DLGAP2: variants seen among roughly 807,000 people sequenced by gnomAD.
DLGAP2 encodes disks large-associated protein 2.
A neutral mutation model predicts 100.3 loss-of-function variants in DLGAP2; 26 were observed. That is an observed-to-expected ratio of 0.26 (90% CI 0.19 to 0.36). The LOEUF (loss-of-function observed/expected upper bound fraction) is 0.36, where lower values mean the gene tolerates loss of function less well. Among genes scored for constraint, DLGAP2 ranks in the 10% least tolerant of loss-of-function variants. DLGAP2 has a pLI of 1.00. For missense variants in DLGAP2, 1,858 were observed against 1,453.2 expected (o/e 1.28, Z -4.53); for synonymous variants, 886 against 630.1 (o/e 1.41, Z -6.08).
At chr8:1,308,508 A>G (rs1342183743) in intron 3 of DLGAP2, among the ~76,000 whole-genome samples, 2 of 152,210 alleles carry the variant, frequency 1.3e-5, no homozygotes, top group Non-Finnish European at 2.9e-5. Context: ...CATTCAGGAC[A>G]ACAAAAGAAA....
At chr8:1,408,161 C>G (rs1429917951) in intron 3 of DLGAP2, among the ~76,000 whole-genome samples, 1 of 152,248 alleles carries the variant, frequency 6.6e-6, no homozygotes, top group Non-Finnish European at 1.5e-5. Flanking sequence ...TTTCCAGCAT[C>G]TCCAGCTAGC....
intron 1 of DLGAP2, among the ~76,000 whole-genome samples, chr8:865,003 C>G (rs1797467679): frequency 6.6e-6 from 1 of 152,150 alleles, no homozygotes; most frequent in Non-Finnish European, 1.5e-5. Flanking sequence ...TGTTGAACAT[C>G]TGAATCTTTT....
intron 2 of DLGAP2, among the ~76,000 whole-genome samples, chr8:1,167,782 C>G (rs1179567532): frequency 1.3e-5 from 2 of 152,154 alleles, no homozygotes; most frequent in Non-Finnish European, 1.5e-5. Flanking sequence ...GTGTCTGACA[C>G]TGAGGTACAA....
chr8:1,353,243 A>G (rs1227116625), intron 3 of DLGAP2, among the ~76,000 whole-genome samples: 1 of 152,192 alleles, frequency 6.6e-6, no homozygotes. Context: ...CTGTGTGTGC[A>G]CAGGAGGCTT....
In DLGAP2 at chr8:1,202,599, G is replaced by A. The variant is rs180926740; in HGVS notation, c.74-56252G>A. ...TGGGAGGTGTGGAGACACCACAGAG[G>A]CCGTAACACGGGACAGTCACAGGCA... On this transcript the variant is annotated intron_variant, in intron 2 of 14. Transcript: ENST00000637795. 2.3e-4 allele frequency among the ~76,000 whole-genome samples: 35 copies of A among 152,260 alleles called. No individual in the cohort carries two copies. In the East Asian group the frequency reaches 2.3e-3, roughly 10 times the overall value.
chr8:785,109 A>C (rs889495361), intron 1 of DLGAP2, among the ~76,000 whole-genome samples: 2 of 150,200 alleles, frequency 1.3e-5, no homozygotes, highest in East Asian at 4.0e-4. Context: ...CCCAGCTACT[A>C]GGGAGGCTGA....
At chr8:1,234,785 C>A (rs1269517736) in intron 2 of DLGAP2, among the ~76,000 whole-genome samples, 3 of 152,210 alleles carry the variant, frequency 2.0e-5, no homozygotes, top group Admixed American at 6.5e-5. Flanking sequence ...CCTTGCGCAA[C>A]TGGGGCCTTT....
chr8:1,213,013 A>C (rs1409077169), intron 2 of DLGAP2, among the ~76,000 whole-genome samples: 1 of 152,048 alleles, frequency 6.6e-6, no homozygotes, highest in East Asian at 1.9e-4. Flanking sequence ...TTTTCTTGTT[A>C]AATTCTGTAA....
chr8:1,148,771 G>C (rs1796648744), intron 2 of DLGAP2, among the ~76,000 whole-genome samples: 1 of 152,140 alleles, frequency 6.6e-6, no homozygotes, highest in African/African-American at 2.4e-5. Flanking sequence ...ACTGTAGTCA[G>C]ATAATATATT....
At chr8:854,237 C>T (rs945797360) in intron 1 of DLGAP2, among the ~76,000 whole-genome samples, 5 of 152,118 alleles carry the variant, frequency 3.3e-5, no homozygotes, top group East Asian at 1.9e-4. Context: ...AGGGGGACAG[C>T]GCATTGCGGG....
chr8:1,663,799 G>C (rs532962479), intron 8 of DLGAP2, among the ~76,000 whole-genome samples: 55 of 152,294 alleles, frequency 3.6e-4, no homozygotes, highest in African/African-American at 1.3e-3. Context: ...AAGCGTTCCA[G>C]CATCACAGCG....
At chr8:1,320,362 G>T (rs1358624973) in intron 3 of DLGAP2, among the ~76,000 whole-genome samples, 1 of 152,058 alleles carries the variant, frequency 6.6e-6, no homozygotes, top group Non-Finnish European at 1.5e-5. Flanking sequence ...CCGTAGCGTC[G>T]CATCCTACAG....
intron 2 of DLGAP2, among the ~76,000 whole-genome samples, chr8:911,895 G>A (rs930794269): frequency 6.6e-6 from 1 of 152,224 alleles, no homozygotes; most frequent in Non-Finnish European, 1.5e-5. Context: ...TTTGGGAGCT[G>A]TTCAGTTCCT....
intron 6 of DLGAP2, among the ~76,000 whole-genome samples, chr8:1,597,070 G>C (rs1029989086): frequency 2.6e-5 from 4 of 152,130 alleles, no homozygotes. Flanking sequence ...TCCAGTTTCA[G>C]TTTTCTGCAT....
At chr8:1,210,241 G>A (rs1220867225) in intron 2 of DLGAP2, among the ~76,000 whole-genome samples, 1 of 152,164 alleles carries the variant, frequency 6.6e-6, no homozygotes, top group African/African-American at 2.4e-5. Flanking sequence ...GACCTTCCTG[G>A]AGAGGCTGGC....
intron 3 of DLGAP2, among the ~76,000 whole-genome samples, chr8:1,466,160 G>C (rs543580255): frequency 2.0e-5 from 3 of 152,240 alleles, no homozygotes; most frequent in Admixed American, 1.3e-4. Context: ...GTGTGCTCTT[G>C]ACCCACATGG....
chr8:925,070 G>A (rs576649323), intron 2 of DLGAP2, among the ~76,000 whole-genome samples: 1 of 152,288 alleles, frequency 6.6e-6, no homozygotes, highest in Admixed American at 6.5e-5. Flanking sequence ...AAAGTGTATT[G>A]ATAATTATGT....
intron 1 of DLGAP2, among the ~76,000 whole-genome samples, chr8:798,464 A>T (rs28522774): frequency 9.0e-5 from 3 of 33,298 alleles, no homozygotes; most frequent in Admixed American, 3.6e-4. Context: ...CCCGGCGCTG[A>T]CCAGGTGATG....
At chr8:1,510,718 C>G (rs774325656) in intron 4 of DLGAP2, among the ~76,000 whole-genome samples, 11 of 152,204 alleles carry the variant, frequency 7.2e-5, no homozygotes, top group Non-Finnish European at 1.3e-4. Context: ...AGTGGCCAGT[C>G]TAGGTCTGAA....
Sources: allele counts gnomAD v4.1 joint callset (sites outside exome capture counted in the v4.1 genomes callset), GRCh38; gene constraint gnomAD v4.1.1; transcripts MANE v1.5; gene names NCBI Gene and HGNC (gene_info 2026-07-23, HGNC 2026-07-21).